ERBB4: variants seen among roughly 807,000 people sequenced by gnomAD.
ERBB4 encodes the protein erb-b2 receptor tyrosine kinase 4.
Under a neutral mutation model 158.0 loss-of-function variants are expected in ERBB4, and 42 were observed. The observed-to-expected ratio is 0.27, with a 90% confidence interval of 0.21 to 0.34. The LOEUF (loss-of-function observed/expected upper bound fraction) is 0.34, where lower values mean the gene tolerates loss of function less well. Ranked by LOEUF, ERBB4 falls within the 10% of genes least tolerant of loss-of-function variation. The probability of loss-of-function intolerance (pLI) is 1.00; values close to 1 mark genes in which losing one functional copy is unlikely to be tolerated. For synonymous variants in ERBB4, 583 were observed against 558.7 expected (o/e 1.04, Z -0.61); for missense variants, 1,333 against 1,624.1 (o/e 0.82, Z 3.08).
chr2:211,428,211 T>TTA (rs1559157975), intron 22 of ERBB4, among the ~76,000 whole-genome samples, 197 bp downstream of exon 22: 1 of 147,086 alleles, frequency 6.8e-6, no homozygotes, highest in African/African-American at 2.5e-5. Context: ...ATCGCAGAAC[T>TTA]TAAAATAAAA....
At chr2:211,705,991 C>A in intron 9 of ERBB4, among the ~76,000 whole-genome samples, 1 of 152,018 alleles carries the variant, frequency 6.6e-6, no homozygotes, top group Admixed American at 6.6e-5. Flanking sequence ...TTCATATTCA[C>A]GTTTATAACA....
chr2:211,953,738 A>C (rs1168475241), intron 2 of ERBB4, among the ~76,000 whole-genome samples: 1 of 152,072 alleles, frequency 6.6e-6, no homozygotes, highest in East Asian at 1.9e-4. Flanking sequence ...TGAATGCTTC[A>C]AAACTCTTCT....
chr2:212,382,153 T>C (rs898749418), intron 1 of ERBB4, among the ~76,000 whole-genome samples: 33 of 150,276 alleles, frequency 2.2e-4, no homozygotes, highest in Middle Eastern at 3.5e-3. Flanking sequence ...ATTATACACA[T>C]ACAATATATA....
At chr2:212,024,302 T>A (rs2076724287) in intron 2 of ERBB4, among the ~76,000 whole-genome samples, 1 of 151,890 alleles carries the variant, frequency 6.6e-6, no homozygotes, top group African/African-American at 2.4e-5. Context: ...ATTGTGGTTC[T>A]TCAAAACAAC....
At chr2:211,520,577 A>G (rs1417590305) in intron 20 of ERBB4, among the ~76,000 whole-genome samples, 1 of 152,092 alleles carries the variant, frequency 6.6e-6, no homozygotes, top group Non-Finnish European at 1.5e-5. Flanking sequence ...CAAACCCTAC[A>G]GTATTTATTA....
intron 1 of ERBB4, among the ~76,000 whole-genome samples, chr2:212,459,913 C>A (rs1172007182): frequency 6.6e-6 from 1 of 152,144 alleles, no homozygotes; most frequent in African/African-American, 2.4e-5. Flanking sequence ...TAGACCCCTA[C>A]TGATATGATT....
intron 25 of ERBB4, among the ~76,000 whole-genome samples, chr2:211,406,168 C>T (rs967782916): frequency 4.6e-5 from 7 of 152,318 alleles, no homozygotes; most frequent in Admixed American, 1.3e-4. Context: ...TTAACGTATT[C>T]TCTTTGTCCC....
chr2:212,211,274 A>T (rs1171066461), intron 1 of ERBB4, among the ~76,000 whole-genome samples: 4 of 152,084 alleles, frequency 2.6e-5, no homozygotes, highest in African/African-American at 7.2e-5. Flanking sequence ...ATTTAAACAC[A>T]TCTACTGAAA....
intron 3 of ERBB4, among the ~76,000 whole-genome samples, chr2:211,913,619 A>G (rs10204743): frequency 0.11 from 14,087 of 132,138 alleles, 927 homozygotes; most frequent in East Asian, 0.21. Flanking sequence ...ATATATATAT[A>G]TGTGTGTGTG....
At chr2:212,157,015 T>G (rs1298853783) in intron 1 of ERBB4, among the ~76,000 whole-genome samples, 1 of 152,094 alleles carries the variant, frequency 6.6e-6, no homozygotes, top group Non-Finnish European at 1.5e-5. Flanking sequence ...TCAAAATAAT[T>G]TATTAAATGC....
chr2:211,961,067 A>G (rs7582539), intron 2 of ERBB4, among the ~76,000 whole-genome samples: 4,255 of 152,108 alleles, frequency 0.028, 193 homozygotes, highest in African/African-American at 0.097. Context: ...TAAAAATAAT[A>G]TTTATTTTTA....
intron 2 of ERBB4, among the ~76,000 whole-genome samples, chr2:212,078,758 A>T (rs1390954594): frequency 6.6e-6 from 1 of 151,634 alleles, no homozygotes; most frequent in Non-Finnish European, 1.5e-5. Context: ...TTACAAACAC[A>T]ACTATTAATA....
chr2:211,393,671 T>C (rs1263869043), intron 25 of ERBB4, among the ~76,000 whole-genome samples: 2 of 151,980 alleles, frequency 1.3e-5, no homozygotes, highest in Non-Finnish European at 2.9e-5. Context: ...ACCCCACTTA[T>C]TTTCACTTAA....
chr2:211,832,836 A>G (rs952207605), intron 3 of ERBB4, among the ~76,000 whole-genome samples: 17 of 149,164 alleles, frequency 1.1e-4, no homozygotes, highest in African/African-American at 4.1e-4. Context: ...AATTGAATAA[A>G]CTACATATAT....
At chr2:211,722,364 A>G (rs751069453) in intron 7 of ERBB4, 29 bp downstream of exon 7, 2 of 1,568,536 alleles carry the variant, frequency 1.3e-6, no homozygotes, top group Non-Finnish European at 1.8e-6. Context: ...TGACCTAATT[A>G]ATTTGGTTAT....
chr2:212,353,147 T>C (rs559764493), intron 1 of ERBB4, among the ~76,000 whole-genome samples: 1 of 152,016 alleles, frequency 6.6e-6, no homozygotes, highest in African/African-American at 2.4e-5. Context: ...TAATTGTTTT[T>C]GTTAGGCTTT....
intron 2 of ERBB4, among the ~76,000 whole-genome samples, chr2:212,069,452 A>C (rs916780319): frequency 1.3e-5 from 2 of 151,998 alleles, no homozygotes; most frequent in African/African-American, 4.8e-5. Flanking sequence ...CCCACAGCTA[A>C]CATCATACTT....
chr2:212,224,362 G>A (rs1559784894), intron 1 of ERBB4, among the ~76,000 whole-genome samples: 2 of 151,808 alleles, frequency 1.3e-5, no homozygotes, highest in Non-Finnish European at 1.5e-5. Flanking sequence ...TGGATCATGA[G>A]TTTGACATCT....
intron 1 of ERBB4, among the ~76,000 whole-genome samples, chr2:212,216,262 T>G (rs555087779): frequency 6.6e-6 from 1 of 151,296 alleles, no homozygotes; most frequent in South Asian, 2.1e-4. Context: ...ATGACACCAT[T>G]AGTATTCACT....
Sources: allele counts gnomAD v4.1 joint callset (sites outside exome capture counted in the v4.1 genomes callset), GRCh38; gene constraint gnomAD v4.1.1; transcripts MANE v1.5; gene names NCBI Gene and HGNC (gene_info 2026-07-23, HGNC 2026-07-21).